RELN: variants seen among roughly 807,000 people sequenced by gnomAD.
The protein encoded by RELN is reelin.
In RELN, 108 loss-of-function variants were observed where a neutral mutation model predicts 427.6. The ratio of observed to expected loss-of-function variants is 0.25; its 90% CI spans 0.22 to 0.30. The LOEUF is 0.30. Ranked by LOEUF, RELN falls within the 10% of genes least tolerant of loss-of-function variation. The pLI is 1.00. For missense variants in RELN, 3,715 were observed against 4,302.8 expected (o/e 0.86, Z 3.82); for synonymous variants, 1,524 against 1,513.4 (o/e 1.01, Z -0.16).
intron 6 of RELN, among the ~76,000 whole-genome samples, chr7:103,740,889 C>G (rs1790634384): frequency 6.6e-6 from 1 of 152,104 alleles, no homozygotes; most frequent in Non-Finnish European, 1.5e-5. Flanking sequence ...TTATAAGTAG[C>G]ACATTTTTTC....
At chr7:103,761,484 C>T (rs1015836665) in intron 4 of RELN, among the ~76,000 whole-genome samples, 11 of 152,126 alleles carry the variant, frequency 7.2e-5, no homozygotes, top group African/African-American at 2.4e-4. Context: ...GAGAGTGTCT[C>T]GCTCTCTTGG....
chr7:103,821,470 T>G (rs1793012818), intron 3 of RELN, among the ~76,000 whole-genome samples: 1 of 152,182 alleles, frequency 6.6e-6, no homozygotes, highest in African/African-American at 2.4e-5. Context: ...CACAGACATG[T>G]AAGTACTGTA....
At chr7:103,493,451 C>A (rs1344450730) in intron 57 of RELN, among the ~76,000 whole-genome samples, 2 of 152,020 alleles carry the variant, frequency 1.3e-5, no homozygotes, top group African/African-American at 2.4e-5. Flanking sequence ...AGTTGAGGTG[C>A]CAATGTGCAA....
chr7:103,640,698 C>G lies in RELN; in HGVS notation c.2003-89G>C. 7.5e-7 allele frequency: 1 copy of G among 1,334,576 alleles called. No individual in the cohort carries two copies. Among genetic ancestry groups the G allele is most frequent in the South Asian group, 1.2e-5 (1 of 81,498 alleles). The allele number at this position is 1,334,576 out of a possible 1,614,324, so 82.7% of individuals were successfully genotyped here. A position where few individuals can be genotyped will look rare whatever the true frequency, so the allele number is the denominator to read the frequency against. ...AAGTAATACTCATGAAATATGGCCC[C>G]TTGTGTGTATGTTGTGTGCAGGAAC... On this transcript the variant is annotated intron_variant, in intron 16 of 64. Coordinates refer to ENST00000428762, the MANE Select transcript of RELN (RefSeq NM_005045.4). The surrounding 1 kb of genome is among the most constrained non-coding windows in gnomAD (Gnocchi z 4.1).
intron 7 of RELN, 45 bp downstream of exon 7, chr7:103,728,066 G>C (rs199816169): frequency 2.5e-6 from 4 of 1,592,468 alleles, no homozygotes; most frequent in East Asian, 4.5e-5. Flanking sequence ...AAAAAGCTCA[G>C]TAAATACTAT....
intron 17 of RELN, among the ~76,000 whole-genome samples, chr7:103,637,688 C>T (rs369801463): frequency 6.6e-6 from 1 of 152,094 alleles, no homozygotes; most frequent in African/African-American, 2.4e-5. Context: ...CTGGATGAGC[C>T]TTCTTTCACA....
chr7:103,680,714 GCCTGAC>G (rs1562954222), intron 11 of RELN, among the ~76,000 whole-genome samples: 1 of 151,880 alleles, frequency 6.6e-6, no homozygotes. Flanking sequence ...GGTCTCCCCA[GCCTGAC>G]CCTGGGGAGG....
Position 103,832,420 on chromosome 7 carries a change from AC to A in RELN, c.473+1116del, listed in dbSNP as rs374504194. ...AAATCAGTGAAGAAAAAACAAAAAC[AC>A]AAAAAAAACAACGAAAAACTGAAAA... is the stretch of plus-strand genomic sequence containing the variant. On this transcript the variant is annotated intron_variant, in intron 3 of 64. Transcript: ENST00000428762. 4.7e-4 allele frequency among the ~76,000 whole-genome samples: 70 copies of A among 148,100 alleles called. 3 individuals are homozygous for A. Among genetic ancestry groups the A allele is most frequent in the African/African-American group, 1.7e-3 (65 of 37,682 alleles).
intron 11 of RELN, among the ~76,000 whole-genome samples, chr7:103,680,834 C>T (rs879915201): frequency 6.6e-6 from 1 of 152,042 alleles, no homozygotes; most frequent in African/African-American, 2.4e-5. Flanking sequence ...CAGAAAAGGC[C>T]GTGTGGGCTA....
intron 56 of RELN, among the ~76,000 whole-genome samples, 198 bp downstream of exon 56, chr7:103,496,328 G>T (rs1291493030): frequency 6.6e-6 from 1 of 152,108 alleles, no homozygotes; most frequent in Non-Finnish European, 1.5e-5. Flanking sequence ...ATGATTTATT[G>T]AATGCTCAGT....
chr7:103,789,239 A>G (rs1792097857), intron 3 of RELN, among the ~76,000 whole-genome samples: 1 of 152,218 alleles, frequency 6.6e-6, no homozygotes, highest in African/African-American at 2.4e-5. Context: ...TAAAATCCCT[A>G]GTAGAAAACC....
At chr7:103,662,926 C>G (rs1833176278) in intron 11 of RELN, among the ~76,000 whole-genome samples, 1 of 152,138 alleles carries the variant, frequency 6.6e-6, no homozygotes, top group Admixed American at 6.5e-5. Flanking sequence ...CCTTCTTGGC[C>G]TGGCCCAAGA....
intron 1 of RELN, among the ~76,000 whole-genome samples, chr7:103,984,997 C>T (rs547738088): frequency 2.0e-5 from 3 of 152,172 alleles, no homozygotes; most frequent in South Asian, 4.1e-4. Context: ...AAATAGCAAC[C>T]AGTTAATTTC....
intron 49 of RELN, 104 bp downstream of exon 49, chr7:103,519,219 T>C: frequency 1.2e-6 from 1 of 854,828 alleles, no homozygotes; most frequent in Admixed American, 1.8e-5. Context: ...AGGCATCCTC[T>C]AGTGAGGCAT....
Position 103,954,218 on chromosome 7 carries a change from C to G in RELN, c.226+34913G>C, listed in dbSNP as rs141950219. Among the ~76,000 whole-genome samples the G allele has an allele frequency of 4.1e-3, 617 of 152,340 alleles. 5 individuals are homozygous for G. Among genetic ancestry groups the G allele is most frequent in the South Asian group, 7.0e-3 (34 of 4,832 alleles). On this transcript the variant is annotated intron_variant, in intron 1 of 64. Coordinates refer to ENST00000428762, the MANE Select transcript of RELN (RefSeq NM_005045.4). Reference sequence around the variant, plus strand: ...GAGGTTGCAGTGAGCCGAGATCGCACCATTGCACTTCATCCTGGGCAACAG... The same window carrying G: ...GAGGTTGCAGTGAGCCGAGATCGCAGCATTGCACTTCATCCTGGGCAACAG...
intron 2 of RELN, among the ~76,000 whole-genome samples, chr7:103,863,374 G>A (rs527618294): frequency 6.6e-6 from 1 of 152,296 alleles, no homozygotes; most frequent in African/African-American, 2.4e-5. Flanking sequence ...TTACAGGTAA[G>A]GAAATTAAGG....
At chr7:103,627,198 A>G (rs991127107) in intron 20 of RELN, among the ~76,000 whole-genome samples, 1 of 152,116 alleles carries the variant, frequency 6.6e-6, no homozygotes, top group Non-Finnish European at 1.5e-5. Flanking sequence ...CTTGAGAGAA[A>G]AAAGGTCATT....
At chr7:103,758,926 C>G (rs529713878) in intron 4 of RELN, among the ~76,000 whole-genome samples, 1 of 151,654 alleles carries the variant, frequency 6.6e-6, no homozygotes, top group Non-Finnish European at 1.5e-5. Context: ...TTTCCTTAGC[C>G]GGGCATTTTC....
intron 46 of RELN, among the ~76,000 whole-genome samples, chr7:103,528,182 T>A (rs1298774373): frequency 6.6e-6 from 1 of 152,176 alleles, no homozygotes; most frequent in Non-Finnish European, 1.5e-5. Flanking sequence ...AAATAAAATG[T>A]GGTATATCCA....
Sources: gnomAD v4.1 joint callset for allele counts (sites outside exome capture counted in the v4.1 genomes callset) on GRCh38, gnomAD v4.1.1 for gene constraint, Gnocchi (gnomAD v3.1) non-coding constraint, MANE v1.5 for transcripts, NCBI Gene and HGNC (gene_info 2026-07-23, HGNC 2026-07-21) for gene names.